Variants in NLGN1 observed in about 807,000 individuals in gnomAD.
NLGN1 encodes neuroligin-1.
A neutral mutation model predicts 65.5 loss-of-function variants in NLGN1; 12 were observed. The ratio of observed to expected loss-of-function variants is 0.18; its 90% CI spans 0.12 to 0.30. NLGN1 has a LOEUF of 0.30. Ranked by LOEUF, NLGN1 falls within the 10% of genes least tolerant of loss-of-function variation. The pLI is 1.00. For synonymous variants in NLGN1, 350 were observed against 359.5 expected, an observed-to-expected ratio of 0.97 and a Z score of 0.30; for missense variants, 750 against 1,007.1, an observed-to-expected ratio of 0.74 and a Z score of 3.46.
At chr3:173,953,009 C>T (rs1426837546) in intron 4 of NLGN1, among the ~76,000 whole-genome samples, 1 of 152,098 alleles carries the variant, frequency 6.6e-6, no homozygotes, top group African/African-American at 2.4e-5. Flanking sequence ...GAACTCCTGA[C>T]CTCAAGTGAT....
At position 173,763,727 on chromosome 3, in the gene NLGN1, G is replaced by A. The variant is rs565577819; in HGVS notation, c.494-43953G>A. Among the ~76,000 whole-genome samples, 46 of 151,984 alleles carry A rather than the reference G, an allele frequency of 3.0e-4. No homozygotes were observed. In the South Asian group the frequency reaches 8.7e-3, roughly 29 times the overall value. ...GAGCTATAAGAAAAAGGGGAGGTATGAGGAAGAAAAATATTGAAAAGGGAA... is the reference window on the plus strand; with the variant it reads ...GAGCTATAAGAAAAAGGGGAGGTATAAGGAAGAAAAATATTGAAAAGGGAA... On this transcript the variant is annotated intron_variant, in intron 3 of 6. Transcript: ENST00000457714.
intron 3 of NLGN1, among the ~76,000 whole-genome samples, chr3:173,628,099 TG>T (rs1374421343): frequency 6.6e-6 from 1 of 152,166 alleles, no homozygotes; most frequent in Non-Finnish European, 1.5e-5. Flanking sequence ...CCGTACTGAC[TG>T]GGGCCTGTCC....
At chr3:173,741,272 C>A (rs1405016304) in intron 3 of NLGN1, among the ~76,000 whole-genome samples, 1 of 152,030 alleles carries the variant, frequency 6.6e-6, no homozygotes, top group Non-Finnish European at 1.5e-5. Flanking sequence ...CAATCAAGAG[C>A]CATTTCTTGA....
chr3:173,403,749 C>G (rs1718129964), intron 1 of NLGN1, among the ~76,000 whole-genome samples: 2 of 152,126 alleles, frequency 1.3e-5, no homozygotes, highest in South Asian at 4.1e-4. Flanking sequence ...TAAACTTTAA[C>G]TTTGTTTAAA....
intron 4 of NLGN1, among the ~76,000 whole-genome samples, chr3:174,151,868 A>C (rs1577110650): frequency 6.6e-6 from 1 of 152,184 alleles, no homozygotes; most frequent in Non-Finnish European, 1.5e-5. Flanking sequence ...ATGGACAAAA[A>C]AAATTATTTT....
intron 4 of NLGN1, among the ~76,000 whole-genome samples, chr3:173,883,159 G>A (rs565281552): frequency 6.6e-6 from 1 of 150,442 alleles, no homozygotes; most frequent in African/African-American, 2.4e-5. Context: ...ATCATTTCTA[G>A]GTTTTGATTA....
chr3:173,676,545 T>C (rs1284868853), intron 3 of NLGN1, among the ~76,000 whole-genome samples: 1 of 152,176 alleles, frequency 6.6e-6, no homozygotes, highest in Non-Finnish European at 1.5e-5. Flanking sequence ...ATATGGTAAA[T>C]GAATAAAATA....
chr3:173,502,272 G>T (rs1393001515), intron 2 of NLGN1, among the ~76,000 whole-genome samples: 1 of 152,002 alleles, frequency 6.6e-6, no homozygotes, highest in African/African-American at 2.4e-5. Flanking sequence ...TTTTCCTAGA[G>T]ACTTAGTAAG....
At chr3:173,912,739 TATA>T (rs1256629582) in intron 4 of NLGN1, 1 of 152,152 alleles carries the variant, frequency 6.6e-6, no homozygotes, top group African/African-American at 2.4e-5. Flanking sequence ...AATTTTATGA[TATA>T]ATAAAAATAA....
At chr3:174,117,933 C>G (rs761427239) in intron 4 of NLGN1, among the ~76,000 whole-genome samples, 4 of 152,254 alleles carry the variant, frequency 2.6e-5, no homozygotes, top group South Asian at 2.1e-4. Context: ...AGGATCTGAA[C>G]TAATCTGGCT....
At chr3:174,293,389 C>A in the NLGN1 span, among the ~76,000 whole-genome samples, 1 of 151,138 alleles carries the variant, frequency 6.6e-6, no homozygotes, top group Non-Finnish European at 1.5e-5. Context: ...TAATAATACA[C>A]GACAATGTTG....
intron 4 of NLGN1, among the ~76,000 whole-genome samples, chr3:174,221,589 A>G (rs1295091183): frequency 7.1e-6 from 1 of 140,808 alleles, no homozygotes; most frequent in African/African-American, 2.5e-5. Context: ...TTATACTTAA[A>G]TAAACATACA....
intron 4 of NLGN1, among the ~76,000 whole-genome samples, chr3:174,173,358 G>T (rs979436995): frequency 2.6e-5 from 4 of 151,896 alleles, no homozygotes; most frequent in African/African-American, 4.8e-5. Flanking sequence ...AATAATACTG[G>T]TGAAAGCAGT....
intron 4 of NLGN1, among the ~76,000 whole-genome samples, chr3:174,047,169 C>CCATAATTCACCATGAATTTAT (rs1017119365): frequency 2.0e-5 from 3 of 151,822 alleles, no homozygotes; most frequent in Non-Finnish European, 4.4e-5. Context: ...TATAATTTTA[C>CCATAATTCACCATGAATTTAT]CATAATTCAC....
At chr3:174,245,826 GT>G (rs1467054622) in intron 4 of NLGN1, among the ~76,000 whole-genome samples, 3 of 152,126 alleles carry the variant, frequency 2.0e-5, no homozygotes, top group Non-Finnish European at 4.4e-5. Context: ...AGCCTTGAAT[GT>G]TGTCTCTGAA....
chr3:173,731,347 A>G (rs1254983599), intron 3 of NLGN1, among the ~76,000 whole-genome samples: 1 of 152,124 alleles, frequency 6.6e-6, no homozygotes, highest in Non-Finnish European at 1.5e-5. Context: ...AATATTTTGT[A>G]AAATCATTTA....
chr3:173,503,041 C>T (rs977709584), intron 2 of NLGN1, among the ~76,000 whole-genome samples: 1 of 151,504 alleles, frequency 6.6e-6, no homozygotes, highest in African/African-American at 2.4e-5. Flanking sequence ...TCTTTTTTCC[C>T]CCACAATTAA....
chr3:173,617,059 C>T (rs1367480257), intron 3 of NLGN1, among the ~76,000 whole-genome samples: 1 of 152,118 alleles, frequency 6.6e-6, no homozygotes, highest in Non-Finnish European at 1.5e-5. Flanking sequence ...CTCCATCCTA[C>T]CTCAGGACCC....
chr3:173,541,685 C>T (rs1052715418), intron 2 of NLGN1, among the ~76,000 whole-genome samples: 18 of 152,128 alleles, frequency 1.2e-4, no homozygotes, highest in African/African-American at 4.3e-4. Flanking sequence ...AGTCCTCATA[C>T]TCAACTGATA....
Sources: gnomAD v4.1 joint callset for allele counts (sites outside exome capture counted in the v4.1 genomes callset) on GRCh38, gnomAD v4.1.1 for gene constraint, MANE v1.5 for transcripts, NCBI Gene and HGNC (gene_info 2026-07-23, HGNC 2026-07-21) for gene names.